Variants in HOXD3 observed in about 807,000 individuals in gnomAD.
The protein encoded by HOXD3 is homeobox protein Hox-D3.
In HOXD3, 13 loss-of-function variants were observed where a neutral mutation model predicts 32.8. The observed-to-expected ratio is 0.40, with a 90% CI of 0.26 to 0.63. The LOEUF is 0.63. Ranked by LOEUF, HOXD3 falls within the 20% of genes least tolerant of loss-of-function variation. The pLI is 0.44. For synonymous variants in HOXD3, 241 were observed against 246.8 expected (o/e 0.98, Z 0.22); for missense variants, 504 against 577.1 (o/e 0.87, Z 1.30).
At position 176,171,537 on chromosome 2, in the gene HOXD3, A is replaced by G. The variant is rs778737547; in HGVS notation, c.562A>G (p.Ser188Gly). ...ATAGESCEDK[S>G]PPGPASKRVR... ...CCCAGGAGAGAGCTGCGAGGACAAG[A>G]GCCCGCCAGGCCCAGCATCCAAGCG... Residue 188 changes from serine to glycine, a missense_variant, in exon 4 of 4, where the codon AGC becomes GGC. Physicochemically the swap from Ser to Gly is moderately conservative, Grantham distance 56. This residue lies in a region of HOXD3 where 97 missense variants were observed against 158.0 expected (regional missense o/e 0.61). Transcript: ENST00000683222. The G allele has an allele frequency of 1.3e-6, 2 of 1,592,994 alleles. No individual in the cohort carries two copies. The highest frequency in any genetic ancestry group is 1.2e-5 in the South Asian group (1 of 86,304).
intron 2 of HOXD3, among the ~76,000 whole-genome samples, chr2:176,167,568 A>G (rs1447998753): frequency 6.6e-6 from 1 of 151,780 alleles, no homozygotes; most frequent in Non-Finnish European, 1.5e-5. Flanking sequence ...TACATTGTAG[A>G]TTTTACACTG....
At position 176,171,683 on chromosome 2, in the gene HOXD3, C is replaced by A. The variant is rs779887772; in HGVS notation, c.708C>A (p.Arg236=). 6.2e-7 allele frequency: 1 copy of A among 1,614,166 alleles called. No individual in the cohort carries two copies. Among genetic ancestry groups the A allele is most frequent in the Non-Finnish European group, 8.5e-7 (1 of 1,180,042 alleles). The change falls in exon 4 of 4, where the codon CGC becomes CGA. Residue 236 remains arginine (R), a synonymous_variant. Transcript: ENST00000683222. Reference sequence around the variant, plus strand: ...CCAACCTGCTGAATCTCACGGAACGCCAGATCAAGATCTGGTTCCAGAACC... The same window carrying A: ...CCAACCTGCTGAATCTCACGGAACGACAGATCAAGATCTGGTTCCAGAACC... ...EMANLLNLTE[R]QIKIWFQNRR...
chr2:176,170,282 T>C (rs1191238211), intron 3 of HOXD3, among the ~76,000 whole-genome samples: 1 of 152,156 alleles, frequency 6.6e-6, no homozygotes, highest in South Asian at 2.1e-4. Context: ...ACCATGAGTC[T>C]CTATTTGGCC....
chr2:176,159,558 G>C (rs1051311671), intron 1 of HOXD3, among the ~76,000 whole-genome samples: 1 of 152,210 alleles, frequency 6.6e-6, no homozygotes, highest in Non-Finnish European at 1.5e-5. Flanking sequence ...CCCGTGGTGC[G>C]GGATTCCCGA....
In HOXD3 at chr2:176,168,567, A is replaced by AAAACAAAACAAAACAAAACAAAACT. The variant is rs1691064474; in HGVS notation, c.-84-444_-84-443insAAACTAAACAAAACAAAACAAAACA. 3.9e-4 allele frequency among the ~76,000 whole-genome samples: 4 copies of AAAACAAAACAAAACAAAACAAAACT among 10,336 alleles called. 1 individual carries two copies. In the African/African-American group the frequency reaches 4.2e-3, roughly 11 times the overall value. 6.8% of individuals were successfully genotyped at this position (10,336 alleles called of 152,430 possible). ...TGGCAACAGGAGCAAAATTCCATCTAAAACAAAACAAAACAAAACACTAAG... is the reference window on the plus strand; with the variant it reads ...TGGCAACAGGAGCAAAATTCCATCTAAAACAAAACAAAACAAAACAAAACTAAACAAAACAAAACAAAACACTAAG... On this transcript the variant is annotated intron_variant, in intron 2 of 3. Transcript: ENST00000683222.
intron 1 of HOXD3, among the ~76,000 whole-genome samples, chr2:176,159,497 T>G (rs1690731101): frequency 6.6e-6 from 1 of 152,206 alleles, no homozygotes; most frequent in Admixed American, 6.5e-5. Context: ...CTGATGCCGC[T>G]GAGCAGAGCT....
upstream of HOXD3, among the ~76,000 whole-genome samples, chr2:176,153,564 G>A (rs574561410): frequency 6.6e-6 from 1 of 152,136 alleles, no homozygotes; most frequent in Non-Finnish European, 1.5e-5. Context: ...TTTATTTGTT[G>A]GGAAATGTGG....
In HOXD3 at chr2:176,171,836, G is replaced by A. The variant is rs1421473030; in HGVS notation, c.861G>A (p.Pro287=). The A allele has an allele frequency of 6.2e-7, 1 of 1,607,228 alleles. No homozygotes were observed. Among genetic ancestry groups the A allele is most frequent in the Middle Eastern group, 1.7e-4 (1 of 6,040 alleles). Reference sequence around the variant, plus strand: ...ACGTGGCCTACTCCGGCCAGCTGCCGCCAGTGCCCGGCCTGGCCTACGACG... The same window carrying A: ...ACGTGGCCTACTCCGGCCAGCTGCCACCAGTGCCCGGCCTGGCCTACGACG... The part of the protein sequence containing the change: ...AGHVAYSGQL[P]PVPGLAYDAP... Residue 287 remains proline (P), a synonymous_variant, in exon 4 of 4, where the codon CCG becomes CCA. Transcript: ENST00000683222.
intron 1 of HOXD3, among the ~76,000 whole-genome samples, chr2:176,159,982 G>A (rs551012828): frequency 1.7e-3 from 255 of 152,350 alleles, no homozygotes; most frequent in African/African-American, 5.9e-3. Flanking sequence ...CTCTGGGTCC[G>A]GGTCGCCTGC....
In HOXD3 at chr2:176,172,115, G is replaced by A; in HGVS notation, c.1140G>A (p.Ser380=). ...SGPVFNLGHL[S]HPSSASVDYS... ...CTGTCTTCAACCTGGGCCACCTCTC[G>A]CACCCGTCGTCGGCCAGCGTGGACT... Residue 380 remains serine, a synonymous_variant, in exon 4 of 4, where the codon TCG becomes TCA. Coordinates refer to ENST00000683222, the MANE Select transcript of HOXD3 (RefSeq NM_006898.5). 6.2e-7 allele frequency: 1 copy of A among 1,612,812 alleles called. No homozygotes were observed. Among genetic ancestry groups the A allele is most frequent in the Non-Finnish European group, 8.5e-7 (1 of 1,179,968 alleles).
chr2:176,172,290 C>G lies in HOXD3; in HGVS notation c.*16C>G. The stretch of plus-strand genomic sequence containing the variant: ...GCATCTGTAGCGGCCGCCGCCAGCC[C>G]GAACTCGCGGCAAAATTACCTCTCT... On this transcript the variant is annotated 3_prime_UTR_variant, in exon 4 of 4. Transcript: ENST00000683222. 5 of 1,574,950 alleles carry G rather than the reference C, an allele frequency of 3.2e-6. No individual in the cohort carries two copies. Among genetic ancestry groups the G allele is most frequent in the Non-Finnish European group, 3.4e-6 (4 of 1,164,528 alleles).
At chr2:176,153,464 AT>A (rs1690586497), upstream of HOXD3, among the ~76,000 whole-genome samples, 1 of 152,154 alleles carries the variant, frequency 6.6e-6, no homozygotes, top group African/African-American at 2.4e-5. Context: ...AAAAATATAT[AT>A]TTTGCTCCCA....
intron 1 of HOXD3, among the ~76,000 whole-genome samples, chr2:176,159,569 G>A (rs1038047244): frequency 6.6e-6 from 1 of 152,226 alleles, no homozygotes; most frequent in Admixed American, 6.5e-5. Context: ...GGATTCCCGA[G>A]TGTGGCCCCG....
intron 2 of HOXD3, among the ~76,000 whole-genome samples, chr2:176,167,614 T>A (rs1036930337): frequency 6.6e-6 from 1 of 152,008 alleles, no homozygotes; most frequent in African/African-American, 2.4e-5. Context: ...ATTTTCACCC[T>A]GTCATCGTTA....
intron 1 of HOXD3, among the ~76,000 whole-genome samples, chr2:176,162,285 C>T (rs927124293): frequency 6.6e-6 from 1 of 152,202 alleles, no homozygotes; most frequent in African/African-American, 2.4e-5. Context: ...TTTCATTTGG[C>T]CCCATGGAGC....
At chr2:176,171,424 A>T (rs1691175810) in intron 3 of HOXD3, 93 bp from the exon 4 acceptor site, 6 of 1,135,784 alleles carry the variant, frequency 5.3e-6, no homozygotes, top group Non-Finnish European at 7.3e-6. Flanking sequence ...GGGGGGAGGG[A>T]GGAGGAAAAG....
chr2:176,153,117 G>C, upstream of HOXD3: 2 of 404,346 alleles, frequency 4.9e-6, no homozygotes, highest in Non-Finnish European at 9.6e-6. Context: ...CCCCTCCCTA[G>C]AGCGGGATGG....
chr2:176,155,304 G>C (rs944299241), upstream of HOXD3, among the ~76,000 whole-genome samples: 1 of 152,094 alleles, frequency 6.6e-6, no homozygotes, highest in Non-Finnish European at 1.5e-5. Flanking sequence ...CAGAAGTTCA[G>C]GTTACTCACC....
intron 1 of HOXD3, among the ~76,000 whole-genome samples, chr2:176,159,678 C>T (rs981968730): frequency 8.5e-5 from 13 of 152,226 alleles, no homozygotes; most frequent in Non-Finnish European, 1.8e-4. Context: ...ATCATTCCCA[C>T]CAGCCACTCG....
Sources: gnomAD v4.1 joint callset for allele counts (sites outside exome capture counted in the v4.1 genomes callset) on GRCh38, gnomAD v4.1.1 for gene constraint, gnomAD v4.1.1 regional missense constraint, MANE v1.5 for transcripts, NCBI Gene and HGNC (gene_info 2026-07-23, HGNC 2026-07-21) for gene names.